NTM: variants seen among roughly 807,000 people sequenced by gnomAD.
The protein encoded by NTM is neurotrimin.
A neutral mutation model predicts 42.1 loss-of-function variants in NTM; 13 were observed. That is an observed-to-expected ratio of 0.31 (90% confidence interval 0.20 to 0.49). The LOEUF (loss-of-function observed/expected upper bound fraction) is 0.49, where lower values mean the gene tolerates loss of function less well. Among genes scored for constraint, NTM ranks in the 20% least tolerant of loss-of-function variants. NTM has a pLI of 0.99. For synonymous variants in NTM, 187 were observed against 179.2 expected, an observed-to-expected ratio of 1.04 and a Z score of -0.35; for missense variants, 373 against 452.8, an observed-to-expected ratio of 0.82 and a Z score of 1.60.
intron 3 of NTM, among the ~76,000 whole-genome samples, chr11:132,155,838 A>G (rs1481973461): frequency 6.6e-6 from 1 of 152,302 alleles, no homozygotes. Flanking sequence ...GAATGGATAC[A>G]AAGATGGATG....
At chr11:132,236,965 G>A (rs937299360) in intron 4 of NTM, among the ~76,000 whole-genome samples, 1 of 152,100 alleles carries the variant, frequency 6.6e-6, no homozygotes, top group Non-Finnish European at 1.5e-5. Context: ...AGATCCCCGG[G>A]CCCAGCTGTC....
chr11:131,543,509 T>A (rs937666780), intron 1 of NTM, among the ~76,000 whole-genome samples: 1 of 152,224 alleles, frequency 6.6e-6, no homozygotes, highest in African/African-American at 2.4e-5. Flanking sequence ...TTCAGTGATT[T>A]TCTGATTAGG....
chr11:131,516,292 G>A (rs12577683), intron 1 of NTM, among the ~76,000 whole-genome samples: 20,904 of 152,136 alleles, frequency 0.14, 1,620 homozygotes, highest in East Asian at 0.26. Flanking sequence ...ATTAATTCAG[G>A]GGCGTGTAGT....
At chr11:131,882,549 C>T (rs757683485) in intron 1 of NTM, among the ~76,000 whole-genome samples, 6 of 152,146 alleles carry the variant, frequency 3.9e-5, no homozygotes, top group African/African-American at 7.2e-5. Flanking sequence ...TAAAATTAAC[C>T]GTCACAACAT....
intron 1 of NTM, among the ~76,000 whole-genome samples, chr11:131,548,773 G>A (rs191605204): frequency 7.2e-5 from 11 of 152,202 alleles, no homozygotes; most frequent in African/African-American, 9.6e-5. Flanking sequence ...CAGTTAGCAC[G>A]TACATGGAAT....
chr11:131,782,634 T>A (rs2088382944), intron 1 of NTM, among the ~76,000 whole-genome samples: 1 of 152,098 alleles, frequency 6.6e-6, no homozygotes, highest in Admixed American at 6.6e-5. Context: ...CAGAAATATA[T>A]AAATAGGATA....
intron 1 of NTM, among the ~76,000 whole-genome samples, chr11:131,378,258 C>T (rs1249945586): frequency 5.3e-5 from 8 of 152,150 alleles, no homozygotes; most frequent in Non-Finnish European, 1.0e-4. Flanking sequence ...AGACACATCC[C>T]CTATATAGGC....
intron 1 of NTM, among the ~76,000 whole-genome samples, chr11:131,848,731 C>T (rs1003590978): frequency 2.6e-5 from 4 of 152,148 alleles, no homozygotes; most frequent in African/African-American, 9.7e-5. Flanking sequence ...CTCTAGGCTG[C>T]AGATGTCAGA....
At chr11:131,665,525 A>G (rs1302532420) in intron 1 of NTM, among the ~76,000 whole-genome samples, 1 of 152,228 alleles carries the variant, frequency 6.6e-6, no homozygotes, top group African/African-American at 2.4e-5. Context: ...GTCCTTATAG[A>G]AAGCGATTGG....
At chr11:132,327,313 T>C (rs936835187) in intron 7 of NTM, among the ~76,000 whole-genome samples, 1 of 152,214 alleles carries the variant, frequency 6.6e-6, no homozygotes, top group Non-Finnish European at 1.5e-5. Context: ...CTGGTAAAGG[T>C]TGACTGATTA....
chr11:131,560,765 T>C (rs760781243), intron 1 of NTM, among the ~76,000 whole-genome samples: 1 of 152,258 alleles, frequency 6.6e-6, no homozygotes, highest in African/African-American at 2.4e-5. Context: ...TAGCTGTATT[T>C]GTTGAATCTA....
chr11:132,266,792 T>C (rs1422552666), intron 4 of NTM, among the ~76,000 whole-genome samples: 1 of 152,220 alleles, frequency 6.6e-6, no homozygotes. Context: ...GCTGTGAATG[T>C]GTGTGTAGAT....
intron 1 of NTM, among the ~76,000 whole-genome samples, chr11:131,437,875 C>A (rs974038915): frequency 4.6e-5 from 7 of 152,188 alleles, no homozygotes; most frequent in Admixed American, 1.3e-4. Flanking sequence ...TTCTTCCTAG[C>A]ATTGATGGTC....
At chr11:131,511,816 A>G (rs537193410) in intron 1 of NTM, among the ~76,000 whole-genome samples, 97 of 152,260 alleles carry the variant, frequency 6.4e-4, no homozygotes, top group Non-Finnish European at 1.1e-3. Context: ...CAAATGGGGC[A>G]TTTGCTCAAT....
chr11:132,087,389 A>G (rs554039284), intron 2 of NTM, among the ~76,000 whole-genome samples: 1 of 152,310 alleles, frequency 6.6e-6, no homozygotes, highest in African/African-American at 2.4e-5. Flanking sequence ...AGTCATGCTC[A>G]CCTACATTGT....
chr11:132,124,629 G>A (rs1040575230), intron 2 of NTM, among the ~76,000 whole-genome samples: 2 of 152,162 alleles, frequency 1.3e-5, no homozygotes, highest in Admixed American at 6.5e-5. Flanking sequence ...GTGTGCGCGC[G>A]CACGCGCAGG....
intron 2 of NTM, among the ~76,000 whole-genome samples, chr11:132,086,077 C>A (rs142730662): frequency 0.014 from 2,174 of 152,062 alleles, 65 homozygotes; most frequent in African/African-American, 0.051. Flanking sequence ...GTAATCCCAG[C>A]ACTTTGGGAG....
chr11:131,464,362 G>GC (rs897372764), intron 1 of NTM, among the ~76,000 whole-genome samples: 4 of 151,894 alleles, frequency 2.6e-5, no homozygotes, highest in African/African-American at 2.4e-5. Flanking sequence ...GGAAAGCTGG[G>GC]GGGGGGGCAG....
At chr11:131,852,817 AT>A (rs1163925680) in intron 1 of NTM, among the ~76,000 whole-genome samples, 4 of 151,190 alleles carry the variant, frequency 2.6e-5, no homozygotes, top group African/African-American at 4.9e-5. Flanking sequence ...CCACTCATCA[AT>A]TCATCTTCTA....
Sources: allele counts gnomAD v4.1 joint callset (sites outside exome capture counted in the v4.1 genomes callset), GRCh38; gene constraint gnomAD v4.1.1; transcripts MANE v1.5; gene names NCBI Gene and HGNC (gene_info 2026-07-23, HGNC 2026-07-21).